The following TENM3 variants were observed in gnomAD, a reference collection of about 807,000 sequenced individuals.
TENM3 encodes the protein teneurin transmembrane protein 3.
A neutral mutation model predicts 255.1 loss-of-function variants in TENM3; 63 were observed. The ratio of observed to expected loss-of-function variants is 0.25; its 90% CI spans 0.20 to 0.30. The LOEUF is 0.30. Ranked by LOEUF, TENM3 falls within the 10% of genes least tolerant of loss-of-function variation. The pLI, the probability that TENM3 is intolerant of heterozygous loss-of-function variation, is 1.00. For synonymous variants in TENM3, 1,306 were observed against 1,322.3 expected (o/e 0.99, Z 0.27); for missense variants, 2,929 against 3,461.1 (o/e 0.85, Z 3.86).
At chr4:181,580,395 A>G in the TENM3 span, among the ~76,000 whole-genome samples, 3 of 152,024 alleles carry the variant, frequency 2.0e-5, no homozygotes, top group Non-Finnish European at 2.9e-5. Flanking sequence ...TGCCACCCCA[A>G]CCCATTTGTG....
intron 16 of TENM3, among the ~76,000 whole-genome samples, chr4:182,736,234 G>A (rs898486250): frequency 1.3e-5 from 2 of 152,200 alleles, no homozygotes; most frequent in African/African-American, 4.8e-5. Flanking sequence ...TATCCTTACT[G>A]TCTTTATAGG....
chr4:182,685,018 CTT>C (rs1164199888), intron 11 of TENM3, among the ~76,000 whole-genome samples: 1 of 152,182 alleles, frequency 6.6e-6, no homozygotes, highest in African/African-American at 2.4e-5. Flanking sequence ...ATCTGCTACT[CTT>C]TACCTACTAC....
the TENM3 span, among the ~76,000 whole-genome samples, chr4:182,093,552 G>A: frequency 6.6e-6 from 1 of 152,170 alleles, no homozygotes; most frequent in Non-Finnish European, 1.5e-5. Flanking sequence ...GCAGAGACAG[G>A]TGGCATCTGA....
the TENM3 span, among the ~76,000 whole-genome samples, chr4:181,864,054 C>T: frequency 1.1e-4 from 17 of 152,102 alleles, no homozygotes; most frequent in African/African-American, 1.7e-4. Flanking sequence ...GCAAGGCTCT[C>T]GGGCATGAGG....
At chr4:181,547,794 ATATT>A in the TENM3 span, among the ~76,000 whole-genome samples, 4 of 151,606 alleles carry the variant, frequency 2.6e-5, no homozygotes, top group African/African-American at 9.7e-5. Flanking sequence ...ATTTCCATTG[ATATT>A]TATTTATTTT....
At chr4:182,557,439 C>T (rs1218212418) in intron 3 of TENM3, among the ~76,000 whole-genome samples, 1 of 152,168 alleles carries the variant, frequency 6.6e-6, no homozygotes, top group Non-Finnish European at 1.5e-5. Context: ...AACCAGGGCT[C>T]AGCTCTTAAC....
the TENM3 span, among the ~76,000 whole-genome samples, chr4:181,880,344 TAAC>T: frequency 4.6e-5 from 7 of 152,192 alleles, no homozygotes; most frequent in Non-Finnish European, 7.3e-5. Flanking sequence ...ATGCAAATAT[TAAC>T]AAATATGTAA....
At chr4:182,191,844 G>C (rs1407570110) in intron 1 of TENM3, among the ~76,000 whole-genome samples, 5 of 152,088 alleles carry the variant, frequency 3.3e-5, no homozygotes, top group African/African-American at 1.2e-4. Flanking sequence ...CTGCATTTTA[G>C]ATCACAGATT....
At chr4:182,083,959 G>GA in the TENM3 span, among the ~76,000 whole-genome samples, 44 of 146,732 alleles carry the variant, frequency 3.0e-4, no homozygotes, top group Middle Eastern at 3.6e-3. Flanking sequence ...CACTGCAGTT[G>GA]AAAAAAAAAA....
the TENM3 span, among the ~76,000 whole-genome samples, chr4:181,461,976 G>T: frequency 6.6e-6 from 1 of 152,100 alleles, no homozygotes; most frequent in Non-Finnish European, 1.5e-5. Flanking sequence ...GGACTCTGTT[G>T]TACGTATTCC....
intron 5 of TENM3, among the ~76,000 whole-genome samples, 155 bp from the exon 6 acceptor site, chr4:182,653,616 C>T (rs979402402): frequency 6.6e-5 from 10 of 152,170 alleles, no homozygotes; most frequent in Admixed American, 1.3e-4. Flanking sequence ...TTGAGGAACT[C>T]TTTGTTTTAT....
At chr4:182,109,198 A>G in the TENM3 span, among the ~76,000 whole-genome samples, 1 of 147,778 alleles carries the variant, frequency 6.8e-6, no homozygotes, top group Non-Finnish European at 1.5e-5. Context: ...ATTTAAGCCT[A>G]TAATTTATAT....
the TENM3 span, among the ~76,000 whole-genome samples, chr4:181,822,365 G>C: frequency 6.6e-6 from 1 of 152,138 alleles, no homozygotes. Flanking sequence ...TAATTGATTG[G>C]AGTTTTTGGT....
the TENM3 span, among the ~76,000 whole-genome samples, chr4:181,567,537 T>G: frequency 2.0e-5 from 3 of 152,220 alleles, no homozygotes; most frequent in South Asian, 6.2e-4. Flanking sequence ...ATAGACAGTT[T>G]CTACCAAAAC....
In TENM3 at chr4:182,729,076, A is replaced by G; in HGVS notation, c.2480A>G (p.Gln827Arg). 1 of 1,613,996 alleles carries G rather than the reference A, an allele frequency of 6.2e-7. No homozygotes were observed. The highest frequency in any genetic ancestry group is 8.5e-7 in the Non-Finnish European group (1 of 1,179,900). Reference protein sequence around the residue: ...DPQDIISQSLQSPSQQAAKSF... With the variant: ...DPQDIISQSLRSPSQQAAKSF... ...CAGGACATCATTAGCCAAAGCCTTC[A>G]ATCGCCTTCTCAGCAAGCTGCCAAA... Residue 827 changes from glutamine to arginine, a missense_variant, in exon 14 of 28, where the codon CAA (glutamine) becomes CGA (arginine). By Grantham distance (43) the Gln-to-Arg change is conservative. Coordinates refer to ENST00000511685, the MANE Select transcript of TENM3 (RefSeq NM_001080477.4).
intron 3 of TENM3, among the ~76,000 whole-genome samples, chr4:182,419,116 G>C (rs1372902419): frequency 6.6e-6 from 1 of 152,168 alleles, no homozygotes; most frequent in African/African-American, 2.4e-5. Flanking sequence ...ATCATAGCAA[G>C]TAAATACTTC....
At chr4:181,798,120 G>C in the TENM3 span, among the ~76,000 whole-genome samples, 1 of 137,946 alleles carries the variant, frequency 7.2e-6, no homozygotes, top group Non-Finnish European at 1.5e-5. Context: ...TGTGTGTATA[G>C]TTTTGTCTTT....
At chr4:182,783,231 G>T (rs1285973280) in intron 24 of TENM3, among the ~76,000 whole-genome samples, 1 of 152,192 alleles carries the variant, frequency 6.6e-6, no homozygotes, top group African/African-American at 2.4e-5. Context: ...TCCTTCAGGA[G>T]CTCTTTTAGG....
chr4:181,700,901 C>A, the TENM3 span, among the ~76,000 whole-genome samples: 1 of 152,104 alleles, frequency 6.6e-6, no homozygotes, highest in African/African-American at 2.4e-5. Context: ...ACTTCGATTT[C>A]AATTTTTTAA....
Sources: gnomAD v4.1 joint callset for allele counts (sites outside exome capture counted in the v4.1 genomes callset) on GRCh38, gnomAD v4.1.1 for gene constraint, MANE v1.5 for transcripts, NCBI Gene and HGNC (gene_info 2026-07-23, HGNC 2026-07-21) for gene names.